Variants in NKAIN2 observed in about 807,000 individuals in gnomAD.
NKAIN2 encodes sodium/potassium transporting ATPase interacting 2, also known as sodium/potassium-transporting ATPase subunit beta-1-interacting protein 2.
NKAIN2 carries 14 observed loss-of-function variants against 32.6 expected under a neutral mutation model. The observed-to-expected ratio is 0.43, with a 90% CI of 0.28 to 0.67. NKAIN2 has a LOEUF of 0.67. NKAIN2 is among the 30% of genes least tolerant of loss of function. The pLI is 0.17. For synonymous variants in NKAIN2, 80 were observed against 87.2 expected, an observed-to-expected ratio of 0.92 and a Z score of 0.46; for missense variants, 198 against 258.3, an observed-to-expected ratio of 0.77 and a Z score of 1.60.
At chr6:124,717,984 T>C (rs930915767) in intron 4 of NKAIN2, among the ~76,000 whole-genome samples, 1 of 152,158 alleles carries the variant, frequency 6.6e-6, no homozygotes, top group African/African-American at 2.4e-5. Context: ...TAAGGGATCA[T>C]CTAATTAACA....
chr6:123,992,462 G>C (rs902447818), intron 1 of NKAIN2, among the ~76,000 whole-genome samples: 5 of 152,134 alleles, frequency 3.3e-5, no homozygotes, highest in Non-Finnish European at 7.4e-5. Context: ...ATATTTCAGG[G>C]TTGCTAGAAT....
At chr6:124,249,365 A>G (rs898982448) in intron 1 of NKAIN2, among the ~76,000 whole-genome samples, 9 of 152,190 alleles carry the variant, frequency 5.9e-5, no homozygotes, top group African/African-American at 2.2e-4. Flanking sequence ...TTGTGATAGA[A>G]GAGAGTGGGA....
At chr6:124,354,635 G>A (rs762210997) in intron 2 of NKAIN2, among the ~76,000 whole-genome samples, 3 of 152,098 alleles carry the variant, frequency 2.0e-5, no homozygotes, top group Non-Finnish European at 4.4e-5. Context: ...TGTCCTACAC[G>A]GAGATGGTTT....
At chr6:124,028,883 A>G (rs234484) in intron 1 of NKAIN2, among the ~76,000 whole-genome samples, 811 of 26,232 alleles carry the variant, frequency 0.031, 5 homozygotes, top group African/African-American at 0.12. Flanking sequence ...ATGTATATAT[A>G]TGTGTATATA....
chr6:124,770,621 C>T (rs1183898238), intron 4 of NKAIN2, among the ~76,000 whole-genome samples: 1 of 152,066 alleles, frequency 6.6e-6, no homozygotes, highest in Non-Finnish European at 1.5e-5. Flanking sequence ...ACTCTATTCT[C>T]TTATTTTAGT....
chr6:124,376,992 G>A (rs1800020029), intron 3 of NKAIN2, among the ~76,000 whole-genome samples: 1 of 152,154 alleles, frequency 6.6e-6, no homozygotes, highest in African/African-American at 2.4e-5. Context: ...CCATGTTGAT[G>A]GATGCTTGGT....
intron 1 of NKAIN2, among the ~76,000 whole-genome samples, chr6:124,208,259 G>A (rs1790994234): frequency 6.6e-6 from 1 of 151,890 alleles, no homozygotes; most frequent in Admixed American, 6.6e-5. Context: ...AAGAGTAGTT[G>A]TGTGGGTCCA....
chr6:124,134,574 C>T (rs1005617493), intron 1 of NKAIN2, among the ~76,000 whole-genome samples: 1 of 152,138 alleles, frequency 6.6e-6, no homozygotes, highest in African/African-American at 2.4e-5. Flanking sequence ...GTCTCAGCTA[C>T]TTGGTAGGCT....
chr6:124,515,609 A>G (rs986050299), intron 3 of NKAIN2, among the ~76,000 whole-genome samples: 72 of 152,162 alleles, frequency 4.7e-4, no homozygotes, highest in African/African-American at 1.7e-3. Context: ...AAGACCCCCC[A>G]TTAGGCTCCA....
chr6:124,650,180 G>C (rs923675279), intron 3 of NKAIN2, among the ~76,000 whole-genome samples: 2 of 152,160 alleles, frequency 1.3e-5, no homozygotes, highest in African/African-American at 2.4e-5. Flanking sequence ...AAGTTACACA[G>C]ATTAGGAAGG....
At chr6:123,882,486 A>G (rs1582707312) in intron 1 of NKAIN2, among the ~76,000 whole-genome samples, 1 of 152,278 alleles carries the variant, frequency 6.6e-6, no homozygotes, top group South Asian at 2.1e-4. Context: ...CCTGTTAATG[A>G]ATTTGAATGC....
At chr6:124,342,408 C>CAA (rs1179071490) in intron 2 of NKAIN2, among the ~76,000 whole-genome samples, 25 of 84,510 alleles carry the variant, frequency 3.0e-4, no homozygotes, top group African/African-American at 3.9e-4. Context: ...GACTCCATCT[C>CAA]AAAAAAAAAA....
At chr6:124,198,315 T>C (rs149437020) in intron 1 of NKAIN2, among the ~76,000 whole-genome samples, 1 of 151,942 alleles carries the variant, frequency 6.6e-6, no homozygotes, top group African/African-American at 2.4e-5. Context: ...TACTTCATGC[T>C]CCGCCCGTGT....
chr6:124,485,217 G>T (rs1195682824), intron 3 of NKAIN2, among the ~76,000 whole-genome samples: 1 of 152,100 alleles, frequency 6.6e-6, no homozygotes, highest in African/African-American at 2.4e-5. Context: ...CAGTTCTCAG[G>T]CTCCACCTGT....
Position 123,804,077 on chromosome 6 carries a change from C to G in NKAIN2, c.-124C>G. ...CTTCCCAGGACGCTGGCAGCAGCAG[C>G]AGCCCGGAGCCCCCGAGCCCTCGGC... On this transcript the variant is annotated 5_prime_UTR_variant, in exon 1 of 7. Transcript: ENST00000368417. 1.1e-6 allele frequency: 1 copy of G among 876,268 alleles called. No individual in the cohort carries two copies. The highest frequency in any genetic ancestry group is 1.6e-5 in the African/African-American group (1 of 60,932). The allele number at this position is 876,268 out of a possible 1,614,324, so 54.3% of individuals were successfully genotyped here. A position where few individuals can be genotyped will look rare whatever the true frequency, so the allele number is the denominator to read the frequency against.
At chr6:124,608,788 A>G (rs567295492) in intron 3 of NKAIN2, among the ~76,000 whole-genome samples, 4 of 152,268 alleles carry the variant, frequency 2.6e-5, no homozygotes, top group African/African-American at 9.6e-5. Context: ...GGGGCAACAG[A>G]AAAGCTGACC....
intron 1 of NKAIN2, among the ~76,000 whole-genome samples, chr6:124,204,417 C>T (rs1582843011): frequency 6.6e-6 from 1 of 151,732 alleles, no homozygotes; most frequent in African/African-American, 2.4e-5. Flanking sequence ...TGATGACTCA[C>T]TTTAAAAGCA....
At chr6:123,947,853 T>C (rs780460240) in intron 1 of NKAIN2, among the ~76,000 whole-genome samples, 7 of 152,114 alleles carry the variant, frequency 4.6e-5, no homozygotes, top group Non-Finnish European at 8.8e-5. Context: ...TAAAACCTAT[T>C]CCTTCTGTCT....
At chr6:124,550,105 A>G (rs1780235632) in intron 3 of NKAIN2, among the ~76,000 whole-genome samples, 1 of 152,190 alleles carries the variant, frequency 6.6e-6, no homozygotes, top group South Asian at 2.1e-4. Context: ...TTTCCTCTTC[A>G]TTATACATTT....
Sources: gnomAD v4.1 joint callset for allele counts (sites outside exome capture counted in the v4.1 genomes callset) on GRCh38, gnomAD v4.1.1 for gene constraint, MANE v1.5 for transcripts, NCBI Gene and HGNC (gene_info 2026-07-23, HGNC 2026-07-21) for gene names.